IRF3: variants seen among roughly 807,000 people sequenced by gnomAD.
IRF3 encodes the protein interferon regulatory factor 3.
In IRF3, 29 loss-of-function variants were observed where a neutral mutation model predicts 43.2. The observed-to-expected ratio is 0.67, with a 90% CI of 0.50 to 0.91. The LOEUF is 0.91. Ranked by LOEUF, IRF3 falls within the 40% of genes least tolerant of loss-of-function variation. The probability of loss-of-function intolerance (pLI) is 0.00; values close to 1 mark genes in which losing one functional copy is unlikely to be tolerated. For synonymous variants in IRF3, 228 were observed against 233.9 expected, an observed-to-expected ratio of 0.97 and a Z score of 0.23; for missense variants, 505 against 559.1, an observed-to-expected ratio of 0.90 and a Z score of 0.98.
intron 1 of IRF3, 60 bp downstream of exon 1, chr19:49,665,571 C>T (rs778329000): frequency 7.9e-6 from 4 of 507,038 alleles, no homozygotes; most frequent in Non-Finnish European, 1.1e-5. Context: ...CAGACCCATC[C>T]TCTTTCCCGC....
intron 2 of IRF3, 169 bp downstream of exon 2, chr19:49,664,505 G>C (rs762070237): frequency 6.4e-7 from 1 of 1,568,626 alleles, no homozygotes; most frequent in Non-Finnish European, 8.6e-7. Context: ...CCCACCATCA[G>C]TCAGCGGATC....
chr19:49,661,238 C>A (rs1568455390), intron 6 of IRF3, among the ~76,000 whole-genome samples: 1 of 152,232 alleles, frequency 6.6e-6, no homozygotes, highest in Non-Finnish European at 1.5e-5. Context: ...ACTCGCCTCA[C>A]CTGAGTGCTT....
chr19:49,661,704 C>T (rs1324360922), intron 6 of IRF3: 12 of 442,426 alleles, frequency 2.7e-5, no homozygotes, highest in South Asian at 7.3e-5. Flanking sequence ...CTCAGCCTCC[C>T]GAGTAGCTGG....
rs537557084 is a variant in IRF3 at position 49,664,767 on chromosome 19, C to A, written c.72G>T (p.Val24=). The A allele has an allele frequency of 6.2e-7, 1 of 1,613,894 alleles. No homozygotes were observed. The highest frequency in any genetic ancestry group is 8.5e-7 in the Non-Finnish European group (1 of 1,179,980). ...SQLDLGQLEG[V]AWVNKSRTRF... Reference sequence around the variant, plus strand: ...GCGTGCGGCTCTTGTTCACCCAGGCCACGCCCTCCAGTTGCCCCAGGTCCA... The same window carrying A: ...GCGTGCGGCTCTTGTTCACCCAGGCAACGCCCTCCAGTTGCCCCAGGTCCA... The change falls in exon 2 of 8, where the codon GTG becomes GTT. Residue 24 remains valine (V), a synonymous_variant. Coordinates refer to ENST00000377139, the MANE Select transcript of IRF3 (RefSeq NM_001571.6).
chr19:49,665,500 T>G, intron 1 of IRF3, 131 bp downstream of exon 1: 1 of 267,574 alleles, frequency 3.7e-6, no homozygotes, highest in Non-Finnish European at 7.2e-6. Flanking sequence ...CGTCGGCCAC[T>G]GTAGCTCCTT....
At position 49,662,241 on chromosome 19, in the gene IRF3, C is replaced by G. The variant is rs1430776249; in HGVS notation, c.689G>C (p.Gly230Ala). The change falls in exon 6 of 8, where the codon GGG becomes GCG. Residue 230 changes from glycine to alanine, a missense_variant. Physicochemically the swap from Gly to Ala is moderately conservative, Grantham distance 60 (BLOSUM62 0). Transcript: ENST00000377139. ...ISCPEGLRLVGSEVGDRTLPG... is the reference protein window; with the variant it reads ...ISCPEGLRLVASEVGDRTLPG... ...CAGCGTCCTGTCTCCCACTTCGGACCCCACCAGCCGCAGGCCCTCCGGGCA... is the reference window on the plus strand; with the variant it reads ...CAGCGTCCTGTCTCCCACTTCGGACGCCACCAGCCGCAGGCCCTCCGGGCA... 1 of 1,613,850 alleles carries G rather than the reference C, an allele frequency of 6.2e-7. No individual in the cohort carries two copies. Among genetic ancestry groups the G allele is most frequent in the Non-Finnish European group, 8.5e-7 (1 of 1,180,058 alleles).
rs756652776 is a variant in IRF3, at chr19:49,659,612, CA to C, written c.*35del. On this transcript the variant is annotated 3_prime_UTR_variant, in exon 8 of 8. Coordinates refer to ENST00000377139, the MANE Select transcript of IRF3 (RefSeq NM_001571.6). The stretch of plus-strand genomic sequence containing the variant: ...GTTTATTGGTTGAGGTGGTGGGGAA[CA>C]GGGGGGTTGGAGGCACACCATGAGG... 3.3e-5 allele frequency: 52 copies of C among 1,587,942 alleles called. 1 individual carries two copies. Among genetic ancestry groups the C allele is most frequent in the Admixed American group, 1.6e-4 (9 of 54,912 alleles).
chr19:49,661,745 AT>A (rs2081340529), intron 6 of IRF3: 9 of 601,150 alleles, frequency 1.5e-5, no homozygotes, highest in Non-Finnish European at 2.5e-5. Context: ...ACGCCCGACT[AT>A]TTTTTTGTAT....
intron 7 of IRF3, among the ~76,000 whole-genome samples, 194 bp from the exon 8 acceptor site, chr19:49,660,027 A>ACACACACACACACACACACACACACACC (rs57168131): frequency 1.3e-5 from 1 of 74,716 alleles, no homozygotes; most frequent in African/African-American, 9.9e-5. Flanking sequence ...ACACACACAC[A>ACACACACACACACACACACACACACACC]CCCCCTGCTG....
intron 2 of IRF3, 122 bp downstream of exon 2, chr19:49,664,552 C>T (rs1244322062): frequency 1.2e-6 from 2 of 1,601,724 alleles, no homozygotes; most frequent in Non-Finnish European, 1.7e-6. Flanking sequence ...GCCCCACCCA[C>T]CAGCGTTGGC....
chr19:49,661,591 TG>T (rs201262754), intron 6 of IRF3: 289 of 164,970 alleles, frequency 1.8e-3, no homozygotes, highest in Middle Eastern at 8.8e-3. Flanking sequence ...CTTTTTTTTT[TG>T]TTGTTCGAGA....
intron 1 of IRF3, 39 bp downstream of exon 1, chr19:49,665,592 C>CA (rs749812038): frequency 1.5e-5 from 8 of 543,976 alleles, no homozygotes; most frequent in Admixed American, 3.2e-5. Context: ...TCCTCGCTCT[C>CA]GGACGCCACC....
intron 2 of IRF3, chr19:49,663,976 A>C (rs1346176069): frequency 4.5e-6 from 1 of 222,404 alleles, no homozygotes; most frequent in Admixed American, 5.2e-5. Flanking sequence ...GATTACAGGC[A>C]TGAGCTACTG....
At chr19:49,661,231 C>T (rs1002002215) in intron 6 of IRF3, among the ~76,000 whole-genome samples, 5 of 152,354 alleles carry the variant, frequency 3.3e-5, no homozygotes, top group Admixed American at 2.6e-4. Context: ...TGGTTGCACT[C>T]GCCTCACCTG....
rs778818292 is a variant in IRF3 at position 49,660,709 on chromosome 19, G to C, written c.1098+4C>G. The C allele has an allele frequency of 1.3e-6, 2 of 1,587,574 alleles. No individual in the cohort carries two copies. The highest frequency in any genetic ancestry group is 2.7e-5 in the African/African-American group (2 of 74,418). ...CAGCCCCAGGGACTCAGGTCTGCAG[G>C]CACCTTGACCATCACGAGCCTCTTG... On this transcript the variant is annotated splice_donor_region_variant and intron_variant, in intron 7 of 7. Transcript: ENST00000377139.
At position 49,665,740 on chromosome 19, in the gene IRF3, C is replaced by T. The variant is rs551169264; in HGVS notation, c.-118G>A. 19 of 1,511,738 alleles carry T rather than the reference C, an allele frequency of 1.3e-5. No homozygotes were observed. The Admixed American group carries it at 3.7e-4, about 29-fold the overall frequency. 93.6% of individuals were successfully genotyped at this position (1,511,738 alleles called of 1,614,324 possible). ...CACCCCCTTTCCCGTCAGCTGAGCT[C>T]TAGAGCGCTGGGGCTTTCTTTTTGA... On this transcript the variant is annotated 5_prime_UTR_variant, in exon 1 of 8. Transcript: ENST00000377139.
chr19:49,665,689 G>A lies in IRF3; in HGVS notation c.-67C>T. On this transcript the variant is annotated 5_prime_UTR_variant, in exon 1 of 8. Coordinates refer to ENST00000377139, the MANE Select transcript of IRF3 (RefSeq NM_001571.6). ...GAACCCACCCCTGTCTTGGAGCTCC[G>A]GGTAGCTCTCAAACTCGAGGCTGCG... The A allele has an allele frequency of 4.1e-6, 5 of 1,233,858 alleles. No individual in the cohort carries two copies. The South Asian group carries it at 4.5e-5, about 11-fold the overall frequency. 76.4% of individuals were successfully genotyped at this position (1,233,858 alleles called of 1,614,324 possible). A position where few individuals can be genotyped will look rare whatever the true frequency, so the allele number is the denominator to read the frequency against.
Position 49,662,443 on chromosome 19 carries a change from G to C in IRF3, c.583C>G (p.Leu195Val). 6.3e-7 allele frequency: 1 copy of C among 1,597,500 alleles called. No individual in the cohort carries two copies. Among genetic ancestry groups the C allele is most frequent in the Non-Finnish European group, 8.5e-7 (1 of 1,172,330 alleles). The part of the protein sequence containing the change: ...LGPSENPLKR[L>V]LVPGEEWEFE... ...CACTCACCTTCCCCCGGCACCAACA[G>C]CCGCTTCAGTGGGTTCTCAGAGGGC... Residue 195 changes from leucine to valine, a missense_variant, in exon 5 of 8, where the codon CTG (leucine) becomes GTG (valine). Coordinates refer to ENST00000377139, the MANE Select transcript of IRF3 (RefSeq NM_001571.6).
In IRF3 at chr19:49,665,634, C is replaced by G; in HGVS notation, c.-12G>C. On this transcript the variant is annotated 5_prime_UTR_variant, in exon 1 of 8. Coordinates refer to ENST00000377139, the MANE Select transcript of IRF3 (RefSeq NM_001571.6). ...CTCCCGGGCTCTTCCGCGTTACCTA[C>G]GATGGAAGGTCGGGGCGTGCGGGCA... 1 of 695,300 alleles carries G rather than the reference C, an allele frequency of 1.4e-6. No individual in the cohort carries two copies. The highest frequency in any genetic ancestry group is 2.3e-6 in the Non-Finnish European group (1 of 428,118). The allele number at this position is 695,300 out of a possible 1,614,324, so 43.1% of individuals were successfully genotyped here.
Sources: allele counts gnomAD v4.1 joint callset (sites outside exome capture counted in the v4.1 genomes callset), GRCh38; gene constraint gnomAD v4.1.1; transcripts MANE v1.5; gene names NCBI Gene and HGNC (gene_info 2026-07-23, HGNC 2026-07-21).